The following ASCC3 variants were observed in gnomAD, a reference collection of about 807,000 sequenced individuals.
ASCC3 encodes activating signal cointegrator 1 complex subunit 3, also known as ASC-1 complex subunit P200.
In ASCC3, 158 loss-of-function variants were observed where a neutral mutation model predicts 256.3. The observed-to-expected ratio is 0.62, with a 90% confidence interval of 0.54 to 0.70. The LOEUF (loss-of-function observed/expected upper bound fraction) is 0.70. Ranked by LOEUF, ASCC3 falls within the 30% of genes least tolerant of loss-of-function variation. The probability of loss-of-function intolerance (pLI) is 0.00; values close to 1 mark genes in which losing one functional copy is unlikely to be tolerated. For synonymous variants in ASCC3, 948 were observed against 883.4 expected, an observed-to-expected ratio of 1.07 and a Z score of -1.30; for missense variants, 2,259 against 2,626.0, an observed-to-expected ratio of 0.86 and a Z score of 3.05.
At chr6:100,578,256 T>G (rs1770986189) in intron 36 of ASCC3, among the ~76,000 whole-genome samples, 1 of 152,076 alleles carries the variant, frequency 6.6e-6, no homozygotes, top group Non-Finnish European at 1.5e-5. Context: ...TGCTAATCAA[T>G]TAAGTAATTA....
At chr6:100,661,360 A>ACACACACAC (rs1346997501) in intron 16 of ASCC3, among the ~76,000 whole-genome samples, 22 of 80,750 alleles carry the variant, frequency 2.7e-4, no homozygotes, top group Non-Finnish European at 7.0e-4. Flanking sequence ...CACACACACA[A>ACACACACAC]AACAAATGAT....
chr6:100,621,315 ATATT>A (rs1313196183), intron 30 of ASCC3, among the ~76,000 whole-genome samples: 3 of 152,164 alleles, frequency 2.0e-5, no homozygotes, highest in African/African-American at 7.2e-5. Flanking sequence ...TTTATAACAA[ATATT>A]TATGTTAATA....
At chr6:100,720,287 A>AT (rs1163673448) in intron 11 of ASCC3, among the ~76,000 whole-genome samples, 1 of 151,940 alleles carries the variant, frequency 6.6e-6, no homozygotes, top group African/African-American at 2.4e-5. Flanking sequence ...GAAGATCATC[A>AT]TAAGCGTTAA....
At chr6:100,880,757 C>A (rs1404589033) in intron 1 of ASCC3, among the ~76,000 whole-genome samples, 2 of 152,156 alleles carry the variant, frequency 1.3e-5, no homozygotes, top group Non-Finnish European at 2.9e-5. Flanking sequence ...AACAAATTAC[C>A]CATGCATGGG....
Position 100,627,639 on chromosome 6 carries a change from A to C in ASCC3, c.4593T>G (p.Gly1531=). Reference sequence around the variant, plus strand: ...TAGCCATACGAGGACAGTAATGTTGACCTGGAAAGCCTTGAATGTGAACTT... The same window carrying C: ...TAGCCATACGAGGACAGTAATGTTGCCCTGGAAAGCCTTGAATGTGAACTT... ...PLEVHIQGFP[G]QHYCPRMASM... Residue 1531 remains glycine, a synonymous_variant, in exon 29 of 42, where the codon GGT becomes GGG. Coordinates refer to ENST00000369162, the MANE Select transcript of ASCC3 (RefSeq NM_006828.4). 1.9e-6 allele frequency: 3 copies of C among 1,613,676 alleles called. No individual in the cohort carries two copies. The highest frequency in any genetic ancestry group is 2.5e-6 in the Non-Finnish European group (3 of 1,179,760).
intron 10 of ASCC3, among the ~76,000 whole-genome samples, chr6:100,729,825 T>C (rs1779816695): frequency 6.6e-6 from 1 of 152,196 alleles, no homozygotes; most frequent in South Asian, 2.1e-4. Context: ...GATTTTGAAA[T>C]TTTTAGTACT....
chr6:100,758,992 G>GTGA (rs1239807062), intron 10 of ASCC3, among the ~76,000 whole-genome samples: 1 of 152,218 alleles, frequency 6.6e-6, no homozygotes, highest in Admixed American at 6.5e-5. Flanking sequence ...CTAATGATCA[G>GTGA]TGATTTTGAG....
At chr6:100,526,448 A>G (rs941716872) in intron 37 of ASCC3, among the ~76,000 whole-genome samples, 2 of 152,214 alleles carry the variant, frequency 1.3e-5, no homozygotes, top group Non-Finnish European at 2.9e-5. Flanking sequence ...AAATTGTTAT[A>G]CAAAAGCTTA....
chr6:100,630,682 A>T (rs935637256), intron 26 of ASCC3, among the ~76,000 whole-genome samples: 3 of 152,012 alleles, frequency 2.0e-5, no homozygotes, highest in Admixed American at 6.6e-5. Context: ...GTAGTATATT[A>T]AATTATTAAT....
At chr6:100,640,784 C>A (rs1775085630) in intron 24 of ASCC3, among the ~76,000 whole-genome samples, 2 of 151,932 alleles carry the variant, frequency 1.3e-5, no homozygotes, top group African/African-American at 2.4e-5. Flanking sequence ...TGGAATTAAG[C>A]CAAAGTATAA....
In ASCC3 at chr6:100,655,575, CTT is replaced by C. The variant is rs1425778863; in HGVS notation, c.2823+122_2823+123del. 1.1e-5 allele frequency: 12 copies of C among 1,115,598 alleles called. No homozygotes were observed. The African/African-American group carries it at 1.7e-4, about 16-fold the overall frequency. The allele number at this position is 1,115,598 out of a possible 1,614,324, so 69.1% of individuals were successfully genotyped here. A position where few individuals can be genotyped will look rare whatever the true frequency, so the allele number is the denominator to read the frequency against. Reference sequence around the variant, plus strand: ...TAATTTTTTGAAAAATATTAAATCTCTTGTTTTTCTTCTAGGTACCTCTTTTC... The same window carrying C: ...TAATTTTTTGAAAAATATTAAATCTCGTTTTTCTTCTAGGTACCTCTTTTC... On this transcript the variant is annotated intron_variant, in intron 17 of 41. Coordinates refer to ENST00000369162, the MANE Select transcript of ASCC3 (RefSeq NM_006828.4).
intron 36 of ASCC3, among the ~76,000 whole-genome samples, chr6:100,540,711 T>C (rs1775414464): frequency 6.6e-6 from 1 of 152,114 alleles, no homozygotes. Flanking sequence ...AAAAATTATA[T>C]AAAGTGTAAT....
chr6:100,701,060 A>G (rs1305126242), intron 13 of ASCC3, among the ~76,000 whole-genome samples: 1 of 152,132 alleles, frequency 6.6e-6, no homozygotes, highest in Non-Finnish European at 1.5e-5. Flanking sequence ...CTTGAATTGT[A>G]ACTCCCACAA....
chr6:100,614,347 A>G (rs1207434337), intron 30 of ASCC3, among the ~76,000 whole-genome samples: 1 of 152,180 alleles, frequency 6.6e-6, no homozygotes, highest in African/African-American at 2.4e-5. Context: ...ATATAAGATC[A>G]GATTTTACCA....
intron 10 of ASCC3, 27 bp from the exon 11 acceptor site, chr6:100,725,730 G>A (rs1224909502): frequency 2.5e-6 from 4 of 1,610,778 alleles, no homozygotes; most frequent in African/African-American, 2.7e-5. Flanking sequence ...ATTTTAAAAG[G>A]GGAAAGTTAC....
chr6:100,685,285 G>A (rs1456734153), intron 13 of ASCC3, among the ~76,000 whole-genome samples: 1 of 152,206 alleles, frequency 6.6e-6, no homozygotes, highest in African/African-American at 2.4e-5. Flanking sequence ...GCTTGGGGTA[G>A]GGAGGGTCAT....
chr6:100,566,110 G>C (rs1210371314), intron 36 of ASCC3, among the ~76,000 whole-genome samples: 1 of 152,022 alleles, frequency 6.6e-6, no homozygotes, highest in Non-Finnish European at 1.5e-5. Context: ...CCAAAACACA[G>C]CACAACACAA....
chr6:100,737,621 G>A lies in ASCC3; in HGVS notation c.1738-11918C>T, dbSNP rs139653288. Among the ~76,000 whole-genome samples the A allele has an allele frequency of 4.8e-3, 728 of 152,220 alleles. 4 individuals are homozygous for A. Among genetic ancestry groups the A allele is most frequent in the Non-Finnish European group, 8.7e-3 (593 of 68,006 alleles). On this transcript the variant is annotated intron_variant, in intron 10 of 41. Coordinates refer to ENST00000369162, the MANE Select transcript of ASCC3 (RefSeq NM_006828.4). ...ACAGATACCACATTTTCTTTATCCA[G>A]TCTATCATTGATGGGCATTTAGGTT...
At chr6:100,724,042 A>G (rs184552416) in intron 11 of ASCC3, among the ~76,000 whole-genome samples, 1 of 148,732 alleles carries the variant, frequency 6.7e-6, no homozygotes, top group East Asian at 2.0e-4. Flanking sequence ...GAATAAAGAG[A>G]GAAGATGGCA....
Sources: gnomAD v4.1 joint callset for allele counts (sites outside exome capture counted in the v4.1 genomes callset) on GRCh38, gnomAD v4.1.1 for gene constraint, MANE v1.5 for transcripts, NCBI Gene and HGNC (gene_info 2026-07-23, HGNC 2026-07-21) for gene names.